Variants in STAG1 observed in about 807,000 individuals in gnomAD.
STAG1 encodes the protein cohesin subunit SA-1.
In STAG1, 26 loss-of-function variants were observed where a neutral mutation model predicts 170.9. The ratio of observed to expected loss-of-function variants is 0.15; its 90% CI spans 0.11 to 0.21. The LOEUF (loss-of-function observed/expected upper bound fraction) is 0.21. Among genes scored for constraint, STAG1 ranks in the 10% least tolerant of loss-of-function variants. The pLI, the probability that STAG1 is intolerant of heterozygous loss-of-function variation, is 1.00. For missense variants in STAG1, 964 were observed against 1,509.5 expected, an observed-to-expected ratio of 0.64 and a Z score of 5.99; for synonymous variants, 514 against 497.7, an observed-to-expected ratio of 1.03 and a Z score of -0.44.
At position 136,539,042 on chromosome 3, in the gene STAG1, G is replaced by A. The variant is rs529370168; in HGVS notation, c.471+3077C>T. On this transcript the variant is annotated intron_variant, in intron 6 of 33. Coordinates refer to ENST00000383202, the MANE Select transcript of STAG1 (RefSeq NM_005862.3). ...CCAGCTACTCAGGAGGCTGAGGCAG[G>A]AGAATGGCGTGAACCCAGGAGGCCG... Among the ~76,000 whole-genome samples the A allele has an allele frequency of 5.9e-5, 9 of 151,924 alleles. No homozygotes were observed. In the East Asian group the frequency reaches 1.8e-3, roughly 30 times the overall value.
chr3:136,729,409 A>C (rs1334831359), intron 1 of STAG1, among the ~76,000 whole-genome samples: 1 of 152,000 alleles, frequency 6.6e-6, no homozygotes, highest in Non-Finnish European at 1.5e-5. Flanking sequence ...TAAGAGAATT[A>C]ATTATATTCA....
chr3:136,624,736 T>C (rs957667201), intron 2 of STAG1, among the ~76,000 whole-genome samples: 3 of 152,246 alleles, frequency 2.0e-5, no homozygotes, highest in African/African-American at 7.2e-5. Flanking sequence ...TTGATTTTTA[T>C]CATTTGCTGA....
At chr3:136,742,236 C>T (rs970312663) in intron 1 of STAG1, among the ~76,000 whole-genome samples, 2 of 152,202 alleles carry the variant, frequency 1.3e-5, no homozygotes, top group African/African-American at 2.4e-5. Flanking sequence ...CAGAATACTA[C>T]ACCCAACAAC....
rs911162546 is a variant in STAG1, at chr3:136,464,904, T to C, written c.1290A>G (p.Ala430=). ...VYSAHRPVAV[A]AGEFLHKKLF... ...ACTTTTTGTGAAGGAACTCTCCAGC[T>C]GCCACAGCAACAGGGCGATGTGCCG... is the stretch of plus-strand genomic sequence containing the variant. The change falls in exon 13 of 34, where the codon GCA becomes GCG. Residue 430 remains alanine, a synonymous_variant. Transcript: ENST00000383202. 1 of 1,612,460 alleles carries C rather than the reference T, an allele frequency of 6.2e-7. No individual in the cohort carries two copies.
intron 1 of STAG1, among the ~76,000 whole-genome samples, chr3:136,706,655 T>G (rs1943234246): frequency 6.6e-6 from 1 of 152,196 alleles, no homozygotes. Flanking sequence ...AACGTACAGA[T>G]TCGGTGCAAC....
At chr3:136,583,258 CTTCTCA>C (rs1168429700) in intron 4 of STAG1, among the ~76,000 whole-genome samples, 3 of 151,972 alleles carry the variant, frequency 2.0e-5, no homozygotes, top group African/African-American at 7.3e-5. Flanking sequence ...ACTCAGAATC[CTTCTCA>C]TTCTAACTTT....
intron 1 of STAG1, among the ~76,000 whole-genome samples, chr3:136,634,891 CAT>C (rs1940491295): frequency 1.3e-5 from 2 of 151,894 alleles, no homozygotes; most frequent in Admixed American, 1.3e-4. Flanking sequence ...AATTTAGTAA[CAT>C]ATTAAATGGA....
intron 9 of STAG1, among the ~76,000 whole-genome samples, chr3:136,478,330 GCATCCAATATAAC>G (rs2107823702): frequency 6.6e-6 from 1 of 152,224 alleles, no homozygotes; most frequent in South Asian, 2.1e-4. Context: ...CCATAAGTAA[GCATCCAATATAAC>G]CCTCCTGGGA....
At chr3:136,721,783 G>C (rs1933291219) in intron 1 of STAG1, among the ~76,000 whole-genome samples, 1 of 152,046 alleles carries the variant, frequency 6.6e-6, no homozygotes, top group Non-Finnish European at 1.5e-5. Flanking sequence ...AATTAGCCGG[G>C]AGTGGTGGCG....
chr3:136,413,482 G>C (rs949701023), intron 21 of STAG1, among the ~76,000 whole-genome samples: 1 of 150,860 alleles, frequency 6.6e-6, no homozygotes, highest in African/African-American at 2.4e-5. Flanking sequence ...TTTTGAGATG[G>C]AGTTTTGCTC....
intron 1 of STAG1, among the ~76,000 whole-genome samples, chr3:136,672,452 T>C (rs1412879973): frequency 6.6e-6 from 1 of 152,192 alleles, no homozygotes; most frequent in Non-Finnish European, 1.5e-5. Context: ...TATTTCCAGA[T>C]ATATTGTATT....
chr3:136,449,967 T>G (rs913329725), intron 14 of STAG1, among the ~76,000 whole-genome samples: 2 of 150,526 alleles, frequency 1.3e-5, no homozygotes, highest in Non-Finnish European at 3.0e-5. Flanking sequence ...CGATCATAGC[T>G]TACTGCAGCC....
chr3:136,368,132 G>A (rs1385744104), intron 24 of STAG1, among the ~76,000 whole-genome samples: 2 of 152,210 alleles, frequency 1.3e-5, no homozygotes, highest in East Asian at 1.9e-4. Context: ...AGGTAAATTT[G>A]TCTCCTGAGA....
At chr3:136,555,356 T>A (rs1431863236) in intron 5 of STAG1, among the ~76,000 whole-genome samples, 14 of 151,476 alleles carry the variant, frequency 9.2e-5, no homozygotes, top group Admixed American at 9.2e-4. Flanking sequence ...ATAATAATAA[T>A]AAAATACCTC....
chr3:136,664,229 G>A (rs563020626), intron 1 of STAG1, among the ~76,000 whole-genome samples: 1 of 152,068 alleles, frequency 6.6e-6, no homozygotes, highest in Non-Finnish European at 1.5e-5. Context: ...CCTATTTCAC[G>A]GAATTTTTCT....
At chr3:136,386,542 A>C (rs1371187913) in intron 22 of STAG1, among the ~76,000 whole-genome samples, 1 of 152,160 alleles carries the variant, frequency 6.6e-6, no homozygotes, top group South Asian at 2.1e-4. Context: ...CCATAACAGC[A>C]AACTGTATGA....
At chr3:136,458,669 C>T (rs1576485812) in intron 13 of STAG1, among the ~76,000 whole-genome samples, 1 of 151,880 alleles carries the variant, frequency 6.6e-6, no homozygotes, top group Admixed American at 6.6e-5. Flanking sequence ...TAAACACATG[C>T]CCATCAACAA....
rs374853713 is a variant in STAG1 at position 136,704,532 on chromosome 3, A to C, written c.-84+47663T>G. 6.6e-5 allele frequency among the ~76,000 whole-genome samples: 10 copies of C among 152,280 alleles called. No homozygotes were observed. In the East Asian group the frequency reaches 1.9e-3, roughly 29 times the overall value. ...CAGATTATAAATCAAAAGTTGTTACAAAAGACAAAGAATGGCCGGGAGTAG... is the reference window on the plus strand; with the variant it reads ...CAGATTATAAATCAAAAGTTGTTACCAAAGACAAAGAATGGCCGGGAGTAG... On this transcript the variant is annotated intron_variant, in intron 1 of 33. Coordinates refer to ENST00000383202, the MANE Select transcript of STAG1 (RefSeq NM_005862.3).
At chr3:136,735,939 G>C (rs1934310100) in intron 1 of STAG1, among the ~76,000 whole-genome samples, 1 of 152,184 alleles carries the variant, frequency 6.6e-6, no homozygotes, top group Non-Finnish European at 1.5e-5. Flanking sequence ...CACGCTGATT[G>C]GTCAGTAGAC....
Sources: gnomAD v4.1 joint callset for allele counts (sites outside exome capture counted in the v4.1 genomes callset) on GRCh38, gnomAD v4.1.1 for gene constraint, MANE v1.5 for transcripts, NCBI Gene and HGNC (gene_info 2026-07-23, HGNC 2026-07-21) for gene names.